The following KCNN2 variants were observed in gnomAD, a reference collection of about 807,000 sequenced individuals.
The protein encoded by KCNN2 is potassium calcium-activated channel subfamily N member 2.
In KCNN2, 24 loss-of-function variants were observed where a neutral mutation model predicts 55.5. The ratio of observed to expected loss-of-function variants is 0.43; its 90% CI spans 0.31 to 0.61. The LOEUF (loss-of-function observed/expected upper bound fraction) is 0.61. Among genes scored for constraint, KCNN2 ranks in the 20% least tolerant of loss-of-function variants. KCNN2 has a pLI of 0.08. For synonymous variants in KCNN2, 431 were observed against 336.1 expected (o/e 1.28, Z -3.09); for missense variants, 754 against 853.6 (o/e 0.88, Z 1.45).
chr5:114,398,679 G>T (rs1758694445), intron 2 of KCNN2, among the ~76,000 whole-genome samples: 1 of 151,970 alleles, frequency 6.6e-6, no homozygotes, highest in South Asian at 2.1e-4. Context: ...GCTATCCGTG[G>T]AATGCTTTTC....
intron 2 of KCNN2, among the ~76,000 whole-genome samples, chr5:114,332,082 T>C (rs533556640): frequency 2.0e-5 from 3 of 152,372 alleles, no homozygotes; most frequent in Admixed American, 1.3e-4. Context: ...AAGATTACAG[T>C]AATTTATTCA....
intron 1 of KCNN2, among the ~76,000 whole-genome samples, chr5:114,201,706 C>T (rs1008042021): frequency 1.3e-5 from 2 of 152,090 alleles, no homozygotes; most frequent in Non-Finnish European, 2.9e-5. Flanking sequence ...AAGGCGGGGT[C>T]CCTCTCAGGC....
intron 1 of KCNN2, among the ~76,000 whole-genome samples, chr5:114,203,476 C>T (rs1191128662): frequency 1.3e-5 from 2 of 152,002 alleles, no homozygotes; most frequent in South Asian, 2.1e-4. Context: ...TAAATTTATC[C>T]TTCTCTGAGG....
At chr5:114,169,392 T>C (rs150735795) in intron 1 of KCNN2, among the ~76,000 whole-genome samples, 157 of 151,858 alleles carry the variant, frequency 1.0e-3, no homozygotes, top group African/African-American at 3.5e-3. Flanking sequence ...CATGGAAGAG[T>C]AAGAGTCAGA....
intron 3 of KCNN2, among the ~76,000 whole-genome samples, chr5:114,408,439 G>A (rs1263036011): frequency 6.6e-6 from 1 of 152,016 alleles, no homozygotes; most frequent in African/African-American, 2.4e-5. Flanking sequence ...GCGTAAATAT[G>A]CCATTTGAGG....
In KCNN2 at chr5:114,107,280, GT is replaced by G. The variant is rs113616764; in HGVS notation, c.-271+50788del. ...TCTATTTTTGAGCCAGTACCATAGT[GT>G]TTTTTTTACTATATTTTTACAATAA... is the stretch of plus-strand genomic sequence containing the variant. On this transcript the variant is annotated intron_variant, in intron 1 of 10. Transcript: ENST00000512097. Among the ~76,000 whole-genome samples the G allele has an allele frequency of 1.2e-3, 184 of 151,844 alleles. 5 individuals carry two copies. The East Asian group carries it at 0.033, about 27-fold the overall frequency.
At chr5:114,468,128 C>T (rs1277216245) in intron 4 of KCNN2, among the ~76,000 whole-genome samples, 1 of 152,126 alleles carries the variant, frequency 6.6e-6, no homozygotes, top group Non-Finnish European at 1.5e-5. Context: ...CAAATATCAA[C>T]TTGTATTTGA....
intron 5 of KCNN2, among the ~76,000 whole-genome samples, chr5:114,479,201 A>G (rs1474298454): frequency 2.0e-5 from 3 of 149,290 alleles, no homozygotes; most frequent in African/African-American, 7.4e-5. Flanking sequence ...GGATGGAGGA[A>G]AATTTACCAA....
chr5:114,330,693 G>A (rs905016073), intron 2 of KCNN2, among the ~76,000 whole-genome samples: 4 of 152,152 alleles, frequency 2.6e-5, no homozygotes, highest in African/African-American at 7.2e-5. Flanking sequence ...AACCTTTGGA[G>A]TGTAGTTCAA....
At chr5:114,247,024 C>A (rs1723405429) in intron 2 of KCNN2, among the ~76,000 whole-genome samples, 1 of 151,182 alleles carries the variant, frequency 6.6e-6, no homozygotes, top group South Asian at 2.1e-4. Flanking sequence ...AAAGAGTGAC[C>A]TGGGGCCGGG....
intron 7 of KCNN2, among the ~76,000 whole-genome samples, 188 bp from the exon 8 acceptor site, chr5:114,495,707 A>C (rs371254580): frequency 8.5e-4 from 129 of 152,296 alleles, no homozygotes; most frequent in African/African-American, 2.9e-3. Context: ...AAGATCTTAT[A>C]TTTCGATTAT....
At chr5:114,408,576 AATATGGAAAACTCTAGTTGAC>A (rs1759015776) in intron 3 of KCNN2, among the ~76,000 whole-genome samples, 2 of 152,194 alleles carry the variant, frequency 1.3e-5, no homozygotes, top group Non-Finnish European at 2.9e-5. Context: ...TTGAAGAATA[AATATGGAAAACTCTAGTTGAC>A]ATACCTATTT....
At chr5:114,100,294 A>G (rs1252857749) in intron 1 of KCNN2, among the ~76,000 whole-genome samples, 1 of 152,200 alleles carries the variant, frequency 6.6e-6, no homozygotes, top group African/African-American at 2.4e-5. Flanking sequence ...GGTAGATTTT[A>G]TAGATGGAGC....
chr5:114,072,452 G>T (rs1286266285), intron 1 of KCNN2, among the ~76,000 whole-genome samples: 1 of 152,022 alleles, frequency 6.6e-6, no homozygotes, highest in South Asian at 2.1e-4. Flanking sequence ...GCATAAAATG[G>T]CAGGTAAGAG....
At position 114,487,184 on chromosome 5, in the gene KCNN2, A is replaced by T. The variant is rs1324221763; in HGVS notation, c.2018+7A>T. 3 of 1,611,380 alleles carry T rather than the reference A, an allele frequency of 1.9e-6. No individual in the cohort carries two copies. The African/African-American group carries it at 4.0e-5, about 22-fold the overall frequency. ...TCCTGCAAGCTATTCATCAGTAAGT[A>T]TCATTTTTCATTTTTATCCTGTTGT... On this transcript the variant is annotated splice_region_variant and intron_variant, in intron 6 of 7. Transcript: ENST00000673685.
intron 2 of KCNN2, among the ~76,000 whole-genome samples, chr5:114,325,073 G>A (rs1756689911): frequency 6.6e-6 from 1 of 152,168 alleles, no homozygotes; most frequent in South Asian, 2.1e-4. Context: ...AGAAAACTAA[G>A]CAGGATTGTG....
intron 1 of KCNN2, among the ~76,000 whole-genome samples, chr5:114,112,070 A>T (rs1751609953): frequency 6.6e-6 from 1 of 152,232 alleles, no homozygotes; most frequent in African/African-American, 2.4e-5. Context: ...AAAGAAGTGG[A>T]ACCAACCTAA....
intron 1 of KCNN2, among the ~76,000 whole-genome samples, chr5:114,135,490 A>T (rs1752156086): frequency 6.6e-6 from 1 of 152,328 alleles, no homozygotes; most frequent in East Asian, 1.9e-4. Flanking sequence ...GATTCCCAGA[A>T]TTTGAGTAAT....
intron 5 of KCNN2, among the ~76,000 whole-genome samples, chr5:114,483,466 G>T (rs1015182078): frequency 6.6e-6 from 1 of 151,782 alleles, no homozygotes; most frequent in Non-Finnish European, 1.5e-5. Flanking sequence ...TAGAGATGGG[G>T]TTCCACTAGA....
Sources: allele counts gnomAD v4.1 joint callset (sites outside exome capture counted in the v4.1 genomes callset), GRCh38; gene constraint gnomAD v4.1.1; transcripts MANE v1.5; gene names NCBI Gene and HGNC (gene_info 2026-07-23, HGNC 2026-07-21).